The following ABCG1 variants were observed in gnomAD, a reference collection of about 807,000 sequenced individuals.
The protein encoded by ABCG1 is ATP-binding cassette sub-family G member 1.
In ABCG1, 29 loss-of-function variants were observed where a neutral mutation model predicts 69.2. That is an observed-to-expected ratio of 0.42 (90% CI 0.31 to 0.57). ABCG1 has a LOEUF of 0.57. Ranked by LOEUF, ABCG1 falls within the 20% of genes least tolerant of loss-of-function variation. The probability of loss-of-function intolerance (pLI) is 0.15; values close to 1 mark genes in which losing one functional copy is unlikely to be tolerated. For missense variants in ABCG1, 718 were observed against 898.1 expected (o/e 0.80, Z 2.56); for synonymous variants, 370 against 374.8 (o/e 0.99, Z 0.15).
chr21:42,259,116 C>T (rs992653858), intron 2 of ABCG1, among the ~76,000 whole-genome samples: 3 of 152,206 alleles, frequency 2.0e-5, no homozygotes, highest in Non-Finnish European at 4.4e-5. Context: ...GCATCCCCAG[C>T]CTTAGCTGGA....
At chr21:42,284,475 C>T (rs939491812) in intron 6 of ABCG1, 85 bp from the exon 7 acceptor site, 13 of 1,523,754 alleles carry the variant, frequency 8.5e-6, no homozygotes, top group African/African-American at 1.4e-5. Context: ...CCCTCTGGGA[C>T]AGGAACTCCC....
intron 4 of ABCG1, among the ~76,000 whole-genome samples, chr21:42,274,578 G>A (rs529806826): frequency 7.3e-5 from 11 of 150,318 alleles, no homozygotes; most frequent in African/African-American, 2.7e-4. Flanking sequence ...AGGTTCAAGC[G>A]ATTCTTCTGC....
intron 2 of ABCG1, among the ~76,000 whole-genome samples, chr21:42,226,303 CCCCCCT>C (rs2067816673): frequency 6.6e-6 from 1 of 152,062 alleles, no homozygotes; most frequent in Non-Finnish European, 1.5e-5. Context: ...GGGACAGGTG[CCCCCCT>C]CCCAAGCGTG....
chr21:42,291,331 G>A lies in ABCG1; in HGVS notation c.1494+139G>A, dbSNP rs2069054050. 2.5e-6 allele frequency: 3 copies of A among 1,182,674 alleles called. No individual in the cohort carries two copies. Among genetic ancestry groups the A allele is most frequent in the African/African-American group, 3.0e-5 (2 of 65,850 alleles). The allele number at this position is 1,182,674 out of a possible 1,614,324, so 73.3% of individuals were successfully genotyped here. A position where few individuals can be genotyped will look rare whatever the true frequency, so the allele number is the denominator to read the frequency against. The stretch of plus-strand genomic sequence containing the variant: ...AGCTCTGGTGGGAGCTGCGGGGAAG[G>A]GCCTGACTTCGGGAGCTGTGGCGGG... On this transcript the variant is annotated intron_variant, in intron 12 of 14. Coordinates refer to ENST00000398449, the MANE Select transcript of ABCG1 (RefSeq NM_016818.3). This position sits in a 1 kb window ranked among gnomAD's most constrained non-coding sequence, Gnocchi z 6.4.
At chr21:42,216,363 G>A (rs148853989), upstream of ABCG1, among the ~76,000 whole-genome samples, 207 of 150,420 alleles carry the variant, frequency 1.4e-3, no homozygotes, top group African/African-American at 4.8e-3. Flanking sequence ...TGGTCCTGTC[G>A]AGAGCTCCCC....
At chr21:42,270,728 G>A (rs1421748836) in intron 2 of ABCG1, among the ~76,000 whole-genome samples, 1 of 152,128 alleles carries the variant, frequency 6.6e-6, no homozygotes, top group Non-Finnish European at 1.5e-5. Flanking sequence ...GAGGGCTTGG[G>A]CAGGTCACCT....
rs868796258 is a variant in ABCG1, at chr21:42,291,020, G to A, written c.1394-72G>A. On this transcript the variant is annotated intron_variant, in intron 11 of 14. Transcript: ENST00000398449. This position sits in a 1 kb window ranked among gnomAD's most constrained non-coding sequence, Gnocchi z 6.4. ...GTTACCAGCCGCTCAGCTCAAGATC[G>A]CCTGTTGGGATGTTAAACGGGCTCG... 134 of 1,130,502 alleles carry A rather than the reference G, an allele frequency of 1.2e-4. No individual in the cohort carries two copies. In the African/African-American group the frequency reaches 1.5e-3, roughly 12 times the overall value. 70.0% of individuals were successfully genotyped at this position (1,130,502 alleles called of 1,614,324 possible).
At position 42,273,269 on chromosome 21, in the gene ABCG1, C is replaced by G. The variant is rs374638445; in HGVS notation, c.405-34C>G. ...GGGAGGTGGAGGAGGAGCAGGAGCC[C>G]GGCTGACGGCTTCTCCTGTCCTTGG... On this transcript the variant is annotated intron_variant, in intron 3 of 14. Coordinates refer to ENST00000398449, the MANE Select transcript of ABCG1 (RefSeq NM_016818.3). The surrounding 1 kb of genome is among the most constrained non-coding windows in gnomAD (Gnocchi z 5.3). 1 of 1,592,010 alleles carries G rather than the reference C, an allele frequency of 6.3e-7. No individual in the cohort carries two copies. Among genetic ancestry groups the G allele is most frequent in the Non-Finnish European group, 8.6e-7 (1 of 1,167,978 alleles).
At chr21:42,286,267 G>A (rs1037948737) in intron 8 of ABCG1, 6 of 393,584 alleles carry the variant, frequency 1.5e-5, no homozygotes, top group Non-Finnish European at 2.8e-5. Context: ...TTGGATTCAG[G>A]GCCCACCCTA....
chr21:42,206,619 G>A (rs941418207), intron 2 of ABCG1, among the ~76,000 whole-genome samples: 5 of 152,020 alleles, frequency 3.3e-5, no homozygotes, highest in Admixed American at 1.3e-4. Context: ...ACCACATCTG[G>A]ATAATTTTAA....
rs559564008 is a variant in ABCG1, at chr21:42,282,542, C to T, written c.734+123C>T. The stretch of plus-strand genomic sequence containing the variant: ...GAGGGGGTGAGTTGAGCTCACCCGG[C>T]GGTTCCTCCTTCCATCTGGGACCAC... On this transcript the variant is annotated intron_variant, in intron 6 of 14. Transcript: ENST00000398449. 7.3e-5 allele frequency: 86 copies of T among 1,180,176 alleles called. No homozygotes were observed. The Middle Eastern group carries it at 8.1e-4, about 11-fold the overall frequency. 73.1% of individuals were successfully genotyped at this position (1,180,176 alleles called of 1,614,324 possible).
Position 42,219,750 on chromosome 21 carries a change from C to A in ABCG1, c.42+446C>A. ...CTGTGGGCTTGGGGACCGGGGACTT[C>A]TCGCGCCATCCCCAGGAACGCCAGG... On this transcript the variant is annotated intron_variant, in intron 1 of 14. Transcript: ENST00000398449. The surrounding 1 kb of genome is among the most constrained non-coding windows in gnomAD (Gnocchi z 5.3). 2 of 1,346,178 alleles carry A rather than the reference C, an allele frequency of 1.5e-6. No homozygotes were observed. The highest frequency in any genetic ancestry group is 1.9e-6 in the Non-Finnish European group (2 of 1,030,176). 83.4% of individuals were successfully genotyped at this position (1,346,178 alleles called of 1,614,324 possible). A position where few individuals can be genotyped will look rare whatever the true frequency, so the allele number is the denominator to read the frequency against.
chr21:42,208,799 T>C (rs991793874), intron 2 of ABCG1, among the ~76,000 whole-genome samples: 2 of 152,270 alleles, frequency 1.3e-5, no homozygotes, highest in African/African-American at 4.8e-5. Flanking sequence ...TGTCTTTTTT[T>C]CTTTTTTAAA....
Position 42,254,611 on chromosome 21 carries a change from G to T in ABCG1, c.287-16459G>T, listed in dbSNP as rs773375244. On this transcript the variant is annotated intron_variant, in intron 2 of 14. Coordinates refer to ENST00000398449, the MANE Select transcript of ABCG1 (RefSeq NM_016818.3). ...AAAAAGCAAGAGGATTGATCAGCGCGTGGCTTTGCCACATGATCACGAAAA... is the reference window on the plus strand; with the variant it reads ...AAAAAGCAAGAGGATTGATCAGCGCTTGGCTTTGCCACATGATCACGAAAA... Among the ~76,000 whole-genome samples the T allele has an allele frequency of 2.0e-5, 3 of 152,244 alleles. No homozygotes were observed. The East Asian group carries it at 5.8e-4, about 29-fold the overall frequency.
chr21:42,287,606 G>A lies in ABCG1; in HGVS notation c.974-283G>A, dbSNP rs920067661. Reference sequence around the variant, plus strand: ...AGCAGGCATTCAGTAAGTACCGGCTGGATGAGCAGTCGGTAGATGCAGGAG... The same window carrying A: ...AGCAGGCATTCAGTAAGTACCGGCTAGATGAGCAGTCGGTAGATGCAGGAG... On this transcript the variant is annotated intron_variant, in intron 8 of 14. Transcript: ENST00000398449. The surrounding 1 kb of genome is among the most constrained non-coding windows in gnomAD (Gnocchi z 6.2). 6.6e-6 allele frequency among the ~76,000 whole-genome samples: 1 copy of A among 152,186 alleles called. No homozygotes were observed. The highest frequency in any genetic ancestry group is 1.5e-5 in the Non-Finnish European group (1 of 68,024).
At chr21:42,236,154 G>T (rs1193660355) in intron 2 of ABCG1, among the ~76,000 whole-genome samples, 1 of 152,204 alleles carries the variant, frequency 6.6e-6, no homozygotes, top group Non-Finnish European at 1.5e-5. Context: ...CCTTGGAATT[G>T]CCCTTGGGAA....
intron 2 of ABCG1, chr21:42,256,173 G>A: frequency 7.1e-7 from 1 of 1,417,136 alleles, no homozygotes; most frequent in Non-Finnish European, 9.2e-7. Flanking sequence ...CTCCCTTTTA[G>A]GGCTGCTGCG....
rs190586735 is a variant in ABCG1, at chr21:42,279,707, G to C, written c.589-2567G>C. Among the ~76,000 whole-genome samples, 40 of 152,358 alleles carry C rather than the reference G, an allele frequency of 2.6e-4. 1 individual carries two copies. The highest frequency in any genetic ancestry group is 6.8e-3 in the Middle Eastern group (2 of 292). ...GCCTTTTCCGGGGTAGCTGGTGAAAGTCGCTCTCCCCATGGGCTGGGCGCA... is the reference window on the plus strand; with the variant it reads ...GCCTTTTCCGGGGTAGCTGGTGAAACTCGCTCTCCCCATGGGCTGGGCGCA... On this transcript the variant is annotated intron_variant, in intron 5 of 14. Coordinates refer to ENST00000398449, the MANE Select transcript of ABCG1 (RefSeq NM_016818.3).
chr21:42,252,379 C>T (rs1477844309), intron 2 of ABCG1, among the ~76,000 whole-genome samples: 1 of 152,096 alleles, frequency 6.6e-6, no homozygotes. Context: ...CAGCGATAAT[C>T]GCTGTCATTA....
Sources: gnomAD v4.1 joint callset for allele counts (sites outside exome capture counted in the v4.1 genomes callset) on GRCh38, gnomAD v4.1.1 for gene constraint, Gnocchi (gnomAD v3.1) non-coding constraint, MANE v1.5 for transcripts, NCBI Gene and HGNC (gene_info 2026-07-23, HGNC 2026-07-21) for gene names.